The following LRP1B variants were observed in gnomAD, a reference collection of about 807,000 sequenced individuals.
LRP1B encodes low-density lipoprotein receptor-related protein 1B.
A neutral mutation model predicts 556.6 loss-of-function variants in LRP1B; 217 were observed. The ratio of observed to expected loss-of-function variants is 0.39; its 90% CI spans 0.35 to 0.44. LRP1B has a LOEUF of 0.44. Ranked by LOEUF, LRP1B falls within the 20% of genes least tolerant of loss-of-function variation. LRP1B has a pLI of 1.00. For missense variants in LRP1B, 5,053 were observed against 5,620.8 expected (o/e 0.90, Z 3.23); for synonymous variants, 2,047 against 1,865.8 (o/e 1.10, Z -2.50).
chr2:141,530,134 A>T (rs1252838860), intron 2 of LRP1B, among the ~76,000 whole-genome samples: 2 of 152,058 alleles, frequency 1.3e-5, no homozygotes, highest in African/African-American at 4.8e-5. Flanking sequence ...TTGTCATAAT[A>T]CTCCAGGATT....
chr2:141,503,264 T>C (rs200977427), intron 2 of LRP1B, among the ~76,000 whole-genome samples: 2 of 46,482 alleles, frequency 4.3e-5, no homozygotes, highest in Admixed American at 4.9e-4. Flanking sequence ...TATATAATAA[T>C]ATATAATACC....
Position 141,417,456 on chromosome 2 carries a change from C to A in LRP1B, c.343+62940G>T, listed in dbSNP as rs566091147. Among the ~76,000 whole-genome samples the A allele has an allele frequency of 1.3e-3, 199 of 152,232 alleles. 1 individual carries two copies. Among genetic ancestry groups the A allele is most frequent in the African/African-American group, 4.1e-3 (171 of 41,534 alleles). On this transcript the variant is annotated intron_variant, in intron 3 of 90. Coordinates refer to ENST00000389484, the MANE Select transcript of LRP1B (RefSeq NM_018557.3). ...TCAATGAGACAACAGCATTAGATACCCCATATAAGTAGAATCATGCAAAAA... is the reference window on the plus strand; with the variant it reads ...TCAATGAGACAACAGCATTAGATACACCATATAAGTAGAATCATGCAAAAA...
chr2:141,839,401 A>G (rs978065776), intron 1 of LRP1B, among the ~76,000 whole-genome samples: 1 of 152,234 alleles, frequency 6.6e-6, no homozygotes, highest in Non-Finnish European at 1.5e-5. Flanking sequence ...GCATGCTTAC[A>G]TATTTTAAAT....
At chr2:140,947,644 A>G (rs1695583535) in intron 20 of LRP1B, among the ~76,000 whole-genome samples, 1 of 152,226 alleles carries the variant, frequency 6.6e-6, no homozygotes, top group African/African-American at 2.4e-5. Context: ...TATACAATCA[A>G]AAGAATAATG....
chr2:140,502,912 T>A (rs373267939), intron 54 of LRP1B, 51 bp downstream of exon 54: 4 of 1,582,930 alleles, frequency 2.5e-6, no homozygotes, highest in Non-Finnish European at 3.5e-6. Flanking sequence ...ATCACAATTT[T>A]TCCATTGAAA....
Position 140,241,450 on chromosome 2 carries a change from C to T in LRP1B, c.13325-1918G>A, listed in dbSNP as rs1680944431. Among the ~76,000 whole-genome samples, 8 of 150,678 alleles carry T rather than the reference C, an allele frequency of 5.3e-5. No individual in the cohort carries two copies. The South Asian group carries it at 1.7e-3, about 31-fold the overall frequency. On this transcript the variant is annotated intron_variant, in intron 87 of 90. Transcript: ENST00000389484. ...ATATAAAATTTATTTTCTCTCAATG[C>T]AATTATAAATCATTTTTTAAAAATA...
chr2:140,636,469 G>T (rs1684074112), intron 41 of LRP1B, among the ~76,000 whole-genome samples: 2 of 152,174 alleles, frequency 1.3e-5, no homozygotes, highest in African/African-American at 4.8e-5. Flanking sequence ...GATAGAAAAT[G>T]TATTCCTGCA....
intron 43 of LRP1B, among the ~76,000 whole-genome samples, chr2:140,575,124 G>A (rs1390179972): frequency 2.0e-5 from 3 of 152,114 alleles, no homozygotes; most frequent in Non-Finnish European, 2.9e-5. Context: ...GTGATCCTGC[G>A]ATGAACTCAA....
chr2:140,374,920 G>A (rs1178110197), intron 68 of LRP1B, among the ~76,000 whole-genome samples: 1 of 151,958 alleles, frequency 6.6e-6, no homozygotes, highest in Non-Finnish European at 1.5e-5. Context: ...GTTTGGTAAA[G>A]TAAGGACTCA....
intron 3 of LRP1B, among the ~76,000 whole-genome samples, chr2:141,292,233 TC>T (rs1686000976): frequency 6.6e-6 from 1 of 151,758 alleles, no homozygotes; most frequent in Non-Finnish European, 1.5e-5. Flanking sequence ...TAAAACCATC[TC>T]CCCCATCCCG....
At chr2:141,017,663 A>C (rs1697944856) in intron 12 of LRP1B, among the ~76,000 whole-genome samples, 2 of 151,692 alleles carry the variant, frequency 1.3e-5, no homozygotes, top group South Asian at 4.1e-4. Context: ...ATATGTATAT[A>C]TGTATATGCA....
intron 43 of LRP1B, among the ~76,000 whole-genome samples, chr2:140,587,191 A>G (rs1682020756): frequency 6.6e-6 from 1 of 152,106 alleles, no homozygotes; most frequent in Admixed American, 6.5e-5. Context: ...AAGAAAGAAA[A>G]CTGAACGAAG....
chr2:140,600,068 A>G (rs1682594284), intron 42 of LRP1B, among the ~76,000 whole-genome samples: 1 of 152,188 alleles, frequency 6.6e-6, no homozygotes, highest in Non-Finnish European at 1.5e-5. Context: ...ACAGTTCACC[A>G]TATGCAAGGT....
At chr2:140,425,242 A>G (rs1439283865) in intron 66 of LRP1B, among the ~76,000 whole-genome samples, 2 of 152,146 alleles carry the variant, frequency 1.3e-5, no homozygotes, top group Admixed American at 1.3e-4. Flanking sequence ...ATTGAAATAC[A>G]TATTTTTCTG....
intron 1 of LRP1B, among the ~76,000 whole-genome samples, chr2:142,128,381 TTC>T (rs1707731244): frequency 6.6e-6 from 1 of 152,190 alleles, no homozygotes; most frequent in African/African-American, 2.4e-5. Context: ...CACATGCCTG[TTC>T]TGTTATTCAA....
intron 3 of LRP1B, among the ~76,000 whole-genome samples, chr2:141,426,622 G>A (rs563277287): frequency 6.6e-6 from 1 of 152,252 alleles, no homozygotes; most frequent in Non-Finnish European, 1.5e-5. Flanking sequence ...GAAAGGAGCA[G>A]CTAGAAAGTG....
chr2:141,249,814 T>G (rs1010576334), intron 4 of LRP1B, among the ~76,000 whole-genome samples: 1 of 152,176 alleles, frequency 6.6e-6, no homozygotes, highest in African/African-American at 2.4e-5. Flanking sequence ...ATTATTGTAC[T>G]GATGTTGATG....
chr2:140,290,264 C>T (rs78765776), intron 84 of LRP1B, among the ~76,000 whole-genome samples: 21,879 of 151,844 alleles, frequency 0.14, 2,042 homozygotes, highest in East Asian at 0.32. Context: ...ACATTGAGGG[C>T]GTAATGTGTC....
At chr2:141,792,032 C>A (rs1439598026) in intron 2 of LRP1B, among the ~76,000 whole-genome samples, 1 of 127,994 alleles carries the variant, frequency 7.8e-6, no homozygotes, top group Non-Finnish European at 1.6e-5. Flanking sequence ...ATTAATATTC[C>A]ATTCATTTTT....
Sources: gnomAD v4.1 joint callset for allele counts (sites outside exome capture counted in the v4.1 genomes callset) on GRCh38, gnomAD v4.1.1 for gene constraint, MANE v1.5 for transcripts, NCBI Gene and HGNC (gene_info 2026-07-23, HGNC 2026-07-21) for gene names.